The following FOXN1 variants were observed in gnomAD, a reference collection of about 807,000 sequenced individuals.
The protein encoded by FOXN1 is forkhead box N1, also known as forkhead box protein N1.
Under a neutral mutation model 49.0 loss-of-function variants are expected in FOXN1, and 15 were observed. The observed-to-expected ratio is 0.31, with a 90% CI of 0.20 to 0.47. The LOEUF (loss-of-function observed/expected upper bound fraction) is 0.47, where lower values mean the gene tolerates loss of function less well. Among genes scored for constraint, FOXN1 ranks in the 20% least tolerant of loss-of-function variants. The pLI is 1.00. For missense variants in FOXN1, 800 were observed against 842.8 expected, an observed-to-expected ratio of 0.95 and a Z score of 0.63; for synonymous variants, 356 against 369.0, an observed-to-expected ratio of 0.96 and a Z score of 0.40.
At position 28,524,640 on chromosome 17, in the gene FOXN1, C is replaced by A; in HGVS notation, c.261C>A (p.Gly87=). The A allele has an allele frequency of 6.2e-7, 1 of 1,613,686 alleles. No homozygotes were observed. Among genetic ancestry groups the A allele is most frequent in the Non-Finnish European group, 8.5e-7 (1 of 1,179,952 alleles). ...AGGGCCACTGCCCAGCCGGCCCCGG[C>A]CCTGGGCCCTTCAGGCTCTCACCCT... ...QVQGHCPAGP[G]PGPFRLSPSD... Residue 87 remains glycine (G), a synonymous_variant, in exon 3 of 9, where the codon GGC becomes GGA. Transcript: ENST00000579795.
At position 28,517,263 on chromosome 17, in the gene FOXN1, GACACACCTCCACAGGGT is replaced by G. The variant is rs760722769; in HGVS notation, c.-14-6672_-14-6656del. Among the ~76,000 whole-genome samples, 29 of 105,740 alleles carry G rather than the reference GACACACCTCCACAGGGT, an allele frequency of 2.7e-4. No individual in the cohort carries two copies. The East Asian group carries it at 7.3e-3, about 27-fold the overall frequency. 69.4% of individuals were successfully genotyped at this position (105,740 alleles called of 152,430 possible). On this transcript the variant is annotated intron_variant, in intron 1 of 8. Coordinates refer to ENST00000579795, the MANE Select transcript of FOXN1 (RefSeq NM_001369369.1). ...TCCACAGGATCCATACCTCCACAGG[GACACACCTCCACAGGGT>G]ACACACCTCCACAGGGTACATGCCT...
intron 1 of FOXN1, among the ~76,000 whole-genome samples, chr17:28,507,991 G>C (rs1211341408): frequency 6.6e-6 from 1 of 152,184 alleles, no homozygotes; most frequent in Admixed American, 6.5e-5. Flanking sequence ...ACAGGGAGAG[G>C]CGCATGTCCT....
chr17:28,508,929 G>C (rs559594325), intron 1 of FOXN1, among the ~76,000 whole-genome samples: 1 of 150,760 alleles, frequency 6.6e-6, no homozygotes, highest in South Asian at 2.1e-4. Flanking sequence ...GACTGACAGA[G>C]TTCAGAGAAA....
chr17:28,506,741 C>T lies in FOXN1; in HGVS notation c.-15+298C>T, dbSNP rs1268088087. Among the ~76,000 whole-genome samples the T allele has an allele frequency of 1.8e-4, 27 of 152,150 alleles. 1 individual carries two copies. Among genetic ancestry groups the T allele is most frequent in the Admixed American group, 1.6e-3 (24 of 15,276 alleles). Reference sequence around the variant, plus strand: ...TGTGTGTCTCTGTGTGTTGGAGATGCGCTCACCCACCCTGTGCTGGGAGGA... The same window carrying T: ...TGTGTGTCTCTGTGTGTTGGAGATGTGCTCACCCACCCTGTGCTGGGAGGA... On this transcript the variant is annotated intron_variant, in intron 1 of 8. Coordinates refer to ENST00000579795, the MANE Select transcript of FOXN1 (RefSeq NM_001369369.1).
rs113097916 is a variant in FOXN1, at chr17:28,534,886, C to A, written c.1315C>A (p.Leu439Met). The A allele has an allele frequency of 2.8e-5, 45 of 1,614,108 alleles. 1 individual carries two copies. Among genetic ancestry groups the A allele is most frequent in the African/African-American group, 2.1e-4 (16 of 75,064 alleles). ...AGGCCCCATTCCTGGCAAGAACCCC[C>A]TGCAGGACCTACTTATGGGGCACAC... ...APGPIPGKNPLQDLLMGHTPS... is the reference protein window; with the variant it reads ...APGPIPGKNPMQDLLMGHTPS... Residue 439 changes from leucine (L) to methionine (M), a missense_variant, in exon 8 of 9, where the codon CTG (leucine) becomes ATG (methionine). Transcript: ENST00000579795. This position sits in a 1 kb window ranked among gnomAD's most constrained non-coding sequence, Gnocchi z 4.1.
At position 28,534,808 on chromosome 17, in the gene FOXN1, C is replaced by G. The variant is rs561672659; in HGVS notation, c.1237C>G (p.Leu413Val). ...GLSGSGPIRP[L>V]APPAGLSPPL... ...GTCCGGCTCAGGCCCCATCCGGCCC[C>G]TGGCACCCCCAGCTGGCCTCTCCCC... The change falls in exon 8 of 9, where the codon CTG becomes GTG. Residue 413 changes from leucine (L) to valine (V), a missense_variant. Transcript: ENST00000579795. This position sits in a 1 kb window ranked among gnomAD's most constrained non-coding sequence, Gnocchi z 4.1. The G allele has an allele frequency of 6.2e-7, 1 of 1,613,880 alleles. No individual in the cohort carries two copies. Among genetic ancestry groups the G allele is most frequent in the South Asian group, 1.1e-5 (1 of 91,076 alleles).
intron 8 of FOXN1, among the ~76,000 whole-genome samples, chr17:28,536,125 C>T (rs1260032828): frequency 9.2e-5 from 14 of 152,114 alleles, no homozygotes; most frequent in Admixed American, 9.2e-4. Flanking sequence ...TCTGTGTGCA[C>T]AGGGGTGGGG....
At chr17:28,532,093 T>A (rs1035577831) in intron 6 of FOXN1, among the ~76,000 whole-genome samples, 11 of 152,106 alleles carry the variant, frequency 7.2e-5, no homozygotes, top group Non-Finnish European at 1.6e-4. Context: ...TTCTAGGGTT[T>A]CAAGGGGCCA....
At chr17:28,509,954 A>G (rs916133357) in intron 1 of FOXN1, among the ~76,000 whole-genome samples, 3 of 152,178 alleles carry the variant, frequency 2.0e-5, no homozygotes, top group Non-Finnish European at 4.4e-5. Flanking sequence ...AGCTCAGATT[A>G]ATGGGGCCAG....
Position 28,538,220 on chromosome 17 carries a change from C to G in FOXN1, c.*784C>G, listed in dbSNP as rs894327391. 1 of 152,258 alleles carries G rather than the reference C, an allele frequency of 6.6e-6. No individual in the cohort carries two copies. Among genetic ancestry groups the G allele is most frequent in the South Asian group, 2.1e-4 (1 of 4,814 alleles). 9.4% of individuals were successfully genotyped at this position (152,258 alleles called of 1,614,324 possible). A position where few individuals can be genotyped will look rare whatever the true frequency, so the allele number is the denominator to read the frequency against. On this transcript the variant is annotated 3_prime_UTR_variant, in exon 9 of 9. Coordinates refer to ENST00000579795, the MANE Select transcript of FOXN1 (RefSeq NM_001369369.1). ...CAGTGTTTGGAAAAGCCCTTGCCCT[C>G]GGAAACTTGAACATGTCCTTTTTCC...
chr17:28,538,023 C>G lies in FOXN1; in HGVS notation c.*587C>G. 6.1e-6 allele frequency: 1 copy of G among 163,632 alleles called. No homozygotes were observed. The highest frequency in any genetic ancestry group is 1.3e-5 in the Non-Finnish European group (1 of 74,192). The allele number at this position is 163,632 out of a possible 1,614,324, so 10.1% of individuals were successfully genotyped here. On this transcript the variant is annotated 3_prime_UTR_variant, in exon 9 of 9. Transcript: ENST00000579795. ...CAACAGCCCAGCAAGAAGGAGGAGA[C>G]AGAGAGCTCCTCCCTGGGTTGTCTG...
intron 5 of FOXN1, 113 bp downstream of exon 5, chr17:28,529,337 T>A: frequency 1.5e-6 from 2 of 1,309,212 alleles, no homozygotes; most frequent in Non-Finnish European, 2.2e-6. Flanking sequence ...GTGGAAATCA[T>A]ACCAGTGGGC....
At chr17:28,533,485 A>ACCCCCC (rs3837849) in intron 6 of FOXN1, among the ~76,000 whole-genome samples, 2 of 126,456 alleles carry the variant, frequency 1.6e-5, no homozygotes, top group African/African-American at 6.1e-5. Flanking sequence ...TGGCACGAGC[A>ACCCCCC]CCCCCCCCCA....
At chr17:28,517,838 T>G (rs1225535683) in intron 1 of FOXN1, among the ~76,000 whole-genome samples, 1 of 143,740 alleles carries the variant, frequency 7.0e-6, no homozygotes, top group Non-Finnish European at 1.5e-5. Flanking sequence ...GGTACACACC[T>G]CCACAGGATA....
intron 6 of FOXN1, among the ~76,000 whole-genome samples, chr17:28,531,729 G>A (rs2069919227): frequency 6.6e-6 from 1 of 152,170 alleles, no homozygotes; most frequent in South Asian, 2.1e-4. Context: ...CTGTCACCCA[G>A]GCAGTGGGCA....
In FOXN1 at chr17:28,537,601, C is replaced by A; in HGVS notation, c.*165C>A. On this transcript the variant is annotated 3_prime_UTR_variant, in exon 9 of 9. Transcript: ENST00000579795. ...TGGTAGCTGGGGGCGCAGAGGACATCACCTGGGGTGCTGCCTCTCACACAT... is the reference window on the plus strand; with the variant it reads ...TGGTAGCTGGGGGCGCAGAGGACATAACCTGGGGTGCTGCCTCTCACACAT... The A allele has an allele frequency of 1.5e-6, 1 of 675,860 alleles. No homozygotes were observed. The highest frequency in any genetic ancestry group is 2.7e-6 in the Non-Finnish European group (1 of 372,928). The allele number at this position is 675,860 out of a possible 1,614,324, so 41.9% of individuals were successfully genotyped here.
Position 28,524,015 on chromosome 17 carries a change from C to T in FOXN1, c.46C>T (p.Pro16Ser). The change falls in exon 2 of 9, where the codon CCC becomes TCC. Residue 16 changes from proline (P) to serine (S), a missense_variant. Physicochemically the swap from Pro to Ser is moderately conservative, Grantham distance 74. Around this residue, in one of 3 missense-constraint regions of FOXN1, gnomAD observed 383 missense variants for 357.9 expected, o/e 1.07. Transcript: ENST00000579795. ...PPQSDVTLPG[P>S]TRLEGERQGD... ...GCAGTCTGACGTCACGCTGCCGGGCCCCACCAGACTGGAGGGCGAGCGCCA... is the reference window on the plus strand; with the variant it reads ...GCAGTCTGACGTCACGCTGCCGGGCTCCACCAGACTGGAGGGCGAGCGCCA... 1.2e-6 allele frequency: 2 copies of T among 1,612,904 alleles called. No homozygotes were observed. Among genetic ancestry groups the T allele is most frequent in the Non-Finnish European group, 8.5e-7 (1 of 1,179,940 alleles).
At chr17:28,516,265 A>T (rs1438899822) in intron 1 of FOXN1, among the ~76,000 whole-genome samples, 1 of 151,330 alleles carries the variant, frequency 6.6e-6, no homozygotes, top group African/African-American at 2.4e-5. Flanking sequence ...CACAGAATCC[A>T]TACCTCCACA....
At chr17:28,531,892 G>A (rs1300304928) in intron 6 of FOXN1, among the ~76,000 whole-genome samples, 2 of 152,184 alleles carry the variant, frequency 1.3e-5, no homozygotes, top group Non-Finnish European at 2.9e-5. Context: ...GAGTGGGCAA[G>A]TTGGCCGGAG....
Sources: allele counts gnomAD v4.1 joint callset (sites outside exome capture counted in the v4.1 genomes callset), GRCh38; gene constraint gnomAD v4.1.1; regional missense constraint gnomAD v4.1.1; non-coding constraint Gnocchi (gnomAD v3.1); transcripts MANE v1.5; gene names NCBI Gene and HGNC (gene_info 2026-07-23, HGNC 2026-07-21).